The following MGAT4C variants were observed in gnomAD, a reference collection of about 807,000 sequenced individuals.
The protein encoded by MGAT4C is MGAT4 family member C, also known as alpha-1,3-mannosyl-glycoprotein 4-beta-N-acetylglucosaminyltransferase C.
A neutral mutation model predicts 40.1 loss-of-function variants in MGAT4C; 19 were observed. That is an observed-to-expected ratio of 0.47 (90% CI 0.33 to 0.70). The LOEUF is 0.70. Ranked by LOEUF, MGAT4C falls within the 30% of genes least tolerant of loss-of-function variation. The pLI is 0.02. For missense variants in MGAT4C, 491 were observed against 563.2 expected (o/e 0.87, Z 1.30); for synonymous variants, 181 against 187.1 (o/e 0.97, Z 0.27).
chr12:86,651,496 T>C (rs781419362), intron 2 of MGAT4C, among the ~76,000 whole-genome samples: 1 of 151,928 alleles, frequency 6.6e-6, no homozygotes, highest in Non-Finnish European at 1.5e-5. Context: ...ATTTTGAGTA[T>C]TATTTTTTAA....
At chr12:86,473,837 T>C (rs1311032369) in intron 2 of MGAT4C, among the ~76,000 whole-genome samples, 5 of 152,150 alleles carry the variant, frequency 3.3e-5, no homozygotes, top group Non-Finnish European at 5.9e-5. Flanking sequence ...GAATCGGGCC[T>C]TTTTAGGTCA....
At chr12:86,012,778 A>AACAACAACCACCACCACCACC (rs1308194133) in intron 2 of MGAT4C, among the ~76,000 whole-genome samples, 1 of 136,350 alleles carries the variant, frequency 7.3e-6, no homozygotes, top group African/African-American at 2.7e-5. Context: ...CAACAACAAC[A>AACAACAACCACCACCACCACC]ACCACCACCA....
At chr12:86,698,230 C>T (rs993331138) in intron 2 of MGAT4C, among the ~76,000 whole-genome samples, 2 of 151,676 alleles carry the variant, frequency 1.3e-5, no homozygotes, top group African/African-American at 2.4e-5. Flanking sequence ...ACTGAAATAT[C>T]GTAAAGGAGT....
At chr12:86,143,969 C>T (rs771468375) in intron 1 of MGAT4C, among the ~76,000 whole-genome samples, 2 of 152,052 alleles carry the variant, frequency 1.3e-5, no homozygotes, top group Non-Finnish European at 2.9e-5. Context: ...TTGATTTATC[C>T]TTTGTGATGT....
intron 2 of MGAT4C, among the ~76,000 whole-genome samples, chr12:86,537,883 T>C (rs1218556045): frequency 6.6e-6 from 1 of 152,104 alleles, no homozygotes; most frequent in Non-Finnish European, 1.5e-5. Context: ...GCTCAGGAGT[T>C]CAAGACCAGG....
rs974358594 is a variant in MGAT4C at position 86,065,936 on chromosome 12, T to C, written c.-56-16213A>G. Among the ~76,000 whole-genome samples, 6 of 152,086 alleles carry C rather than the reference T, an allele frequency of 3.9e-5. No individual in the cohort carries two copies. In the East Asian group the frequency reaches 9.6e-4, roughly 24 times the overall value. ...AATAACAGACAAACAAAGAGCCAAA[T>C]CATGAGTGAACTCCCATTCACAATT... On this transcript the variant is annotated intron_variant, in intron 1 of 4. Coordinates refer to ENST00000611864, the MANE Select transcript of MGAT4C (RefSeq NM_001351288.2).
At chr12:86,317,330 TATC>T (rs1274596026) in intron 4 of MGAT4C, among the ~76,000 whole-genome samples, 4 of 152,064 alleles carry the variant, frequency 2.6e-5, no homozygotes, top group Admixed American at 2.6e-4. Context: ...CAAAAAATAA[TATC>T]ATTAGTTGAA....
chr12:86,774,285 TTC>T (rs1491313447), intron 1 of MGAT4C, among the ~76,000 whole-genome samples: 2 of 18,240 alleles, frequency 1.1e-4, no homozygotes, highest in Non-Finnish European at 1.8e-4. Flanking sequence ...GGCTTGCTCT[TTC>T]TTTCTTTCTT....
chr12:86,214,505 A>G (rs749517704), intron 1 of MGAT4C, among the ~76,000 whole-genome samples: 31 of 152,156 alleles, frequency 2.0e-4, no homozygotes, highest in Non-Finnish European at 3.7e-4. Flanking sequence ...CATAACAATA[A>G]ATGTTAATTT....
intron 2 of MGAT4C, among the ~76,000 whole-genome samples, chr12:86,661,236 G>C (rs1593089660): frequency 2.0e-5 from 3 of 150,300 alleles, no homozygotes; most frequent in African/African-American, 7.4e-5. Context: ...AAAAAAATCA[G>C]TATAAAAAAG....
intron 3 of MGAT4C, among the ~76,000 whole-genome samples, chr12:86,365,355 TACAA>T (rs1472490488): frequency 2.0e-5 from 3 of 152,174 alleles, no homozygotes; most frequent in African/African-American, 2.4e-5. Context: ...ACACATGCTC[TACAA>T]ACAATTTGTG....
intron 2 of MGAT4C, among the ~76,000 whole-genome samples, chr12:86,480,775 A>C: frequency 6.6e-6 from 1 of 151,796 alleles, no homozygotes; most frequent in Admixed American, 6.6e-5. Flanking sequence ...ATTAACACAA[A>C]ATAGGTGCTA....
At chr12:86,178,272 T>G (rs1466205390) in intron 1 of MGAT4C, among the ~76,000 whole-genome samples, 1 of 152,176 alleles carries the variant, frequency 6.6e-6, no homozygotes, top group African/African-American at 2.4e-5. Context: ...TTCACATTTT[T>G]TATGATGATG....
In MGAT4C at chr12:85,971,421, A is replaced by G. The variant is rs1313660572; in HGVS notation, c.*7868T>C. 2 of 151,208 alleles carry G rather than the reference A, an allele frequency of 1.3e-5. No homozygotes were observed. Among genetic ancestry groups the G allele is most frequent in the African/African-American group, 2.4e-5 (1 of 41,368 alleles). 9.4% of individuals were successfully genotyped at this position (151,208 alleles called of 1,614,324 possible). ...TTTAGATTGCTTTAACTTGAAGGACACTTATATTTTGTATCACTTTTGTAG... is the reference window on the plus strand; with the variant it reads ...TTTAGATTGCTTTAACTTGAAGGACGCTTATATTTTGTATCACTTTTGTAG... On this transcript the variant is annotated 3_prime_UTR_variant, in exon 5 of 5. Coordinates refer to ENST00000611864, the MANE Select transcript of MGAT4C (RefSeq NM_001351288.2).
At chr12:85,986,981 ACATC>A (rs1252749564) in intron 3 of MGAT4C, among the ~76,000 whole-genome samples, 1 of 152,082 alleles carries the variant, frequency 6.6e-6, no homozygotes, top group Non-Finnish European at 1.5e-5. Context: ...TGGTTAAAAA[ACATC>A]CGTCAGTAAA....
chr12:86,244,161 T>C (rs1951917273), intron 1 of MGAT4C, among the ~76,000 whole-genome samples: 1 of 152,200 alleles, frequency 6.6e-6, no homozygotes, highest in African/African-American at 2.4e-5. Flanking sequence ...ACACACATCC[T>C]GTACTTTCTA....
chr12:86,011,312 C>T (rs904205795), intron 2 of MGAT4C, among the ~76,000 whole-genome samples: 15 of 152,160 alleles, frequency 9.9e-5, no homozygotes, highest in African/African-American at 3.4e-4. Context: ...ATTCACTTCA[C>T]AAACACAGTG....
chr12:86,070,565 TC>T (rs1894987692), intron 1 of MGAT4C, among the ~76,000 whole-genome samples: 1 of 152,120 alleles, frequency 6.6e-6, no homozygotes, highest in African/African-American at 2.4e-5. Context: ...TAGGAAAAAT[TC>T]CCTTGGTGAT....
At position 85,961,156 on chromosome 12, in the gene MGAT4C, TTTA is replaced by T. The variant is rs1268515714; in HGVS notation, c.*18130_*18132del. Reference sequence around the variant, plus strand: ...GTATTCTAATTCTCCTTCAGTCAGATTTATAAAGTATGACCTATAGCATCCAAC... The same window carrying T: ...GTATTCTAATTCTCCTTCAGTCAGATTAAAGTATGACCTATAGCATCCAAC... On this transcript the variant is annotated 3_prime_UTR_variant, in exon 5 of 5. Transcript: ENST00000611864. 1 of 151,964 alleles carries T rather than the reference TTTA, an allele frequency of 6.6e-6. No individual in the cohort carries two copies. The highest frequency in any genetic ancestry group is 1.5e-5 in the Non-Finnish European group (1 of 67,850). The allele number at this position is 151,964 out of a possible 1,614,324, so 9.4% of individuals were successfully genotyped here. A position where few individuals can be genotyped will look rare whatever the true frequency, so the allele number is the denominator to read the frequency against.
Sources: allele counts gnomAD v4.1 joint callset (sites outside exome capture counted in the v4.1 genomes callset), GRCh38; gene constraint gnomAD v4.1.1; transcripts MANE v1.5; gene names NCBI Gene and HGNC (gene_info 2026-07-23, HGNC 2026-07-21).